The following SZT2 variants were observed in gnomAD, a reference collection of about 807,000 sequenced individuals.
SZT2 encodes KICSTOR complex protein SZT2.
In SZT2, 216 loss-of-function variants were observed where a neutral mutation model predicts 404.2. The ratio of observed to expected loss-of-function variants is 0.53; its 90% confidence interval spans 0.48 to 0.60. The LOEUF (loss-of-function observed/expected upper bound fraction) is 0.60, where lower values mean the gene tolerates loss of function less well. Ranked by LOEUF, SZT2 falls within the 20% of genes least tolerant of loss-of-function variation. The probability of loss-of-function intolerance (pLI) is 0.00; values close to 1 mark genes in which losing one functional copy is unlikely to be tolerated. For synonymous variants in SZT2, 1,693 were observed against 1,749.9 expected (o/e 0.97, Z 0.81); for missense variants, 3,857 against 4,459.2 (o/e 0.86, Z 3.85).
intron 1 of SZT2, among the ~76,000 whole-genome samples, chr1:43,391,239 G>A (rs1368701726): frequency 1.3e-5 from 2 of 152,062 alleles, no homozygotes; most frequent in African/African-American, 2.4e-5. Flanking sequence ...GCTTGAACCC[G>A]GGAGGTGGAG....
chr1:43,442,680 C>G lies in SZT2; in HGVS notation c.8151+62C>G. 2 of 1,538,888 alleles carry G rather than the reference C, an allele frequency of 1.3e-6. No homozygotes were observed. Among genetic ancestry groups the G allele is most frequent in the South Asian group, 2.5e-5 (2 of 80,060 alleles). ...ACTGAGGGGTCAGTTAAAGGAAAAACCAGCTCAGAAGCCAGAAAGATGGGA... is the reference window on the plus strand; with the variant it reads ...ACTGAGGGGTCAGTTAAAGGAAAAAGCAGCTCAGAAGCCAGAAAGATGGGA... On this transcript the variant is annotated intron_variant, in intron 58 of 71. Coordinates refer to ENST00000634258, the MANE Select transcript of SZT2 (RefSeq NM_001365999.1). The surrounding 1 kb of genome is among the most constrained non-coding windows in gnomAD (Gnocchi z 4.5).
Position 43,424,505 on chromosome 1 carries a change from G to C in SZT2, c.2471+73G>C. 6.9e-7 allele frequency: 1 copy of C among 1,458,352 alleles called. No homozygotes were observed. Among genetic ancestry groups the C allele is most frequent in the Middle Eastern group, 2.4e-4 (1 of 4,200 alleles). 90.3% of individuals were successfully genotyped at this position (1,458,352 alleles called of 1,614,324 possible). On this transcript the variant is annotated intron_variant, in intron 16 of 71. Transcript: ENST00000634258. The surrounding 1 kb of genome is among the most constrained non-coding windows in gnomAD (Gnocchi z 4.1). The stretch of plus-strand genomic sequence containing the variant: ...GTGTAGACTGGGACACTAGCAAAAA[G>C]CCTATAGCACACACTTCTCCTCTCT...
Position 43,403,704 on chromosome 1 carries a change from G to T in SZT2, c.257G>T (p.Arg86Leu), listed in dbSNP as rs540224145. The change falls in exon 3 of 72, where the codon CGG (arginine) becomes CTG (leucine). Residue 86 changes from arginine to leucine, a missense_variant. Around this residue, in one of 7 missense-constraint regions of SZT2, gnomAD observed 536 missense variants for 637.4 expected, o/e 0.84. Transcript: ENST00000634258. The stretch of plus-strand genomic sequence containing the variant: ...CCATTCCTCCTGGTACCTTCCACCC[G>T]GGTCACCTTCCTGGCTTGGCAGTAT... ...PRPFLLVPST[R>L]VTFLAWQYRF... is the part of the protein sequence containing the mutation. The T allele has an allele frequency of 1.2e-6, 2 of 1,614,134 alleles. No homozygotes were observed. Among genetic ancestry groups the T allele is most frequent in the Non-Finnish European group, 1.7e-6 (2 of 1,180,026 alleles).
At chr1:43,443,541 T>A (rs758848414) in intron 61 of SZT2, 56 bp from the exon 62 acceptor site, 1 of 1,613,324 alleles carries the variant, frequency 6.2e-7, no homozygotes, top group African/African-American at 1.3e-5. Flanking sequence ...CCCTCCTCCA[T>A]CCCCAGCAGG....
chr1:43,424,920 C>G lies in SZT2; in HGVS notation c.2550+58C>G. ...AAGGTCTGTCATAATCCCAGGGACA[C>G]TCACCTCTGAGCTGGGTTGGGACTG... On this transcript the variant is annotated intron_variant, in intron 17 of 71. Coordinates refer to ENST00000634258, the MANE Select transcript of SZT2 (RefSeq NM_001365999.1). The surrounding 1 kb of genome is among the most constrained non-coding windows in gnomAD (Gnocchi z 4.1). 1 of 1,571,328 alleles carries G rather than the reference C, an allele frequency of 6.4e-7. No homozygotes were observed.
chr1:43,447,599 T>A lies in SZT2; in HGVS notation c.9341T>A (p.Val3114Glu). ...LIAAHQLYNY[V>E]ADHASSYHMK... ...GCTGCCCACCAGCTATACAACTACG[T>A]GGCTGATCACGCCAGCTCTTACCAC... is the stretch of plus-strand genomic sequence containing the variant. Residue 3114 changes from valine (V) to glutamate (E), a missense_variant, in exon 67 of 72, where the codon GTG becomes GAG. Around this residue, in one of 7 missense-constraint regions of SZT2, gnomAD observed 717 missense variants for 868.2 expected, o/e 0.83. Coordinates refer to ENST00000634258, the MANE Select transcript of SZT2 (RefSeq NM_001365999.1). 6.2e-7 allele frequency: 1 copy of A among 1,614,198 alleles called. No individual in the cohort carries two copies. Among genetic ancestry groups the A allele is most frequent in the Non-Finnish European group, 8.5e-7 (1 of 1,180,030 alleles).
chr1:43,440,290 T>C (rs1273501231), intron 51 of SZT2, among the ~76,000 whole-genome samples, 163 bp from the exon 52 acceptor site: 1 of 152,188 alleles, frequency 6.6e-6, no homozygotes, highest in Non-Finnish European at 1.5e-5. Flanking sequence ...AGAGGCTCAC[T>C]TCACACAAAC....
At chr1:43,419,112 TC>T (rs1320221139) in intron 7 of SZT2, among the ~76,000 whole-genome samples, 1 of 152,220 alleles carries the variant, frequency 6.6e-6, no homozygotes, top group African/African-American at 2.4e-5. Context: ...GGCCACTTGG[TC>T]CGTCACAGCT....
chr1:43,422,749 T>C lies in SZT2; in HGVS notation c.1923-20T>C, dbSNP rs1652555039. 6.7e-7 allele frequency: 1 copy of C among 1,492,264 alleles called. No homozygotes were observed. The highest frequency in any genetic ancestry group is 1.2e-5 in the South Asian group (1 of 84,826). 92.4% of individuals were successfully genotyped at this position (1,492,264 alleles called of 1,614,324 possible). A position where few individuals can be genotyped will look rare whatever the true frequency, so the allele number is the denominator to read the frequency against. On this transcript the variant is annotated intron_variant, in intron 13 of 71. Transcript: ENST00000634258. ...TTCCTGCCAACCTTGGGCTGCTCAC[T>C]GACTCCCATTTCTCCCCAGTGCCCC...
chr1:43,405,385 A>C (rs991333813), intron 4 of SZT2: 1 of 152,110 alleles, frequency 6.6e-6, no homozygotes, highest in African/African-American at 2.4e-5. Context: ...TACAGGGCTT[A>C]TCCAGCACTC....
chr1:43,448,051 C>T lies in SZT2; in HGVS notation c.9564-28C>T, dbSNP rs761922896. On this transcript the variant is annotated intron_variant, in intron 68 of 71. Coordinates refer to ENST00000634258, the MANE Select transcript of SZT2 (RefSeq NM_001365999.1). The surrounding 1 kb of genome is among the most constrained non-coding windows in gnomAD (Gnocchi z 4.2). ...CCTGTGTGTCTCTTGCTACAACCAC[C>T]ACTCTCCTGCCCTGCTCCCCACCCC... 2 of 1,606,380 alleles carry T rather than the reference C, an allele frequency of 1.2e-6. No homozygotes were observed. The highest frequency in any genetic ancestry group is 1.1e-5 in the South Asian group (1 of 90,370).
At chr1:43,428,968 G>C (rs1653521759) in intron 28 of SZT2, 1 of 169,080 alleles carries the variant, frequency 5.9e-6, no homozygotes, top group African/African-American at 2.4e-5. Flanking sequence ...AGCATCTGCA[G>C]TGTGTTAGCG....
chr1:43,436,297 T>A (rs1051765431), intron 42 of SZT2: 1 of 152,182 alleles, frequency 6.6e-6, no homozygotes, highest in African/African-American at 2.4e-5. Context: ...TGGGATCTCC[T>A]CCATATCGAA....
chr1:43,434,735 A>G (rs1654284437), intron 41 of SZT2, among the ~76,000 whole-genome samples: 3 of 152,122 alleles, frequency 2.0e-5, no homozygotes, highest in African/African-American at 7.2e-5. Context: ...ACTCCCTCTC[A>G]TTGCACTGTG....
At position 43,450,635 on chromosome 1, in the gene SZT2, C is replaced by T; in HGVS notation, c.*155C>T. The T allele has an allele frequency of 3.4e-6, 4 of 1,168,774 alleles. No homozygotes were observed. The East Asian group carries it at 9.8e-5, about 29-fold the overall frequency. The allele number at this position is 1,168,774 out of a possible 1,614,324, so 72.4% of individuals were successfully genotyped here. Reference sequence around the variant, plus strand: ...TTTGTAACTATGTCTTGAGGGTCTGCTGCCCCAGCCTGGCAGCAGGAACCG... The same window carrying T: ...TTTGTAACTATGTCTTGAGGGTCTGTTGCCCCAGCCTGGCAGCAGGAACCG... On this transcript the variant is annotated 3_prime_UTR_variant, in exon 72 of 72. Coordinates refer to ENST00000634258, the MANE Select transcript of SZT2 (RefSeq NM_001365999.1). The surrounding 1 kb of genome is among the most constrained non-coding windows in gnomAD (Gnocchi z 4.3).
At chr1:43,397,553 A>C (rs1396461684) in intron 1 of SZT2, among the ~76,000 whole-genome samples, 14 of 150,258 alleles carry the variant, frequency 9.3e-5, no homozygotes. Context: ...AGATGGATGG[A>C]GTCTTGCTCT....
Position 43,426,517 on chromosome 1 carries a change from C to G in SZT2, c.3193C>G (p.Arg1065Gly). 6.3e-7 allele frequency: 1 copy of G among 1,588,484 alleles called. No homozygotes were observed. Among genetic ancestry groups the G allele is most frequent in the Non-Finnish European group, 8.5e-7 (1 of 1,175,200 alleles). The change falls in exon 22 of 72, where the codon CGG becomes GGG. Residue 1065 changes from arginine to glycine, a missense_variant. Physicochemically the swap from Arg to Gly is moderately radical, Grantham distance 125 (BLOSUM62 -2). This residue lies in a region of SZT2 where 1,725 missense variants were observed against 1,881.0 expected (regional missense o/e 0.92). Transcript: ENST00000634258. The surrounding 1 kb of genome is among the most constrained non-coding windows in gnomAD (Gnocchi z 4.9). ...GGCTGCCTTCTTGAGTGAGGTGCTG[C>G]GGCGGACCTGCCACGTTCCAGGTGA... ...DQAAFLSEVL[R>G]RTCHVPGAEG...
At position 43,451,657 on chromosome 1, in the gene SZT2, G is replaced by A. The variant is rs1263647717; in HGVS notation, c.*1177G>A. 6.2e-7 allele frequency: 1 copy of A among 1,613,976 alleles called. No homozygotes were observed. The highest frequency in any genetic ancestry group is 8.5e-7 in the Non-Finnish European group (1 of 1,180,006). ...AGGAAGGTCCTCTCACCAACAATGG[G>A]CAGGAACTCCCGGATGTTTCCTGTC... On this transcript the variant is annotated 3_prime_UTR_variant, in exon 72 of 72. Coordinates refer to ENST00000634258, the MANE Select transcript of SZT2 (RefSeq NM_001365999.1).
chr1:43,443,880 T>C, intron 62 of SZT2, 84 bp downstream of exon 62: 1 of 1,545,088 alleles, frequency 6.5e-7, no homozygotes, highest in East Asian at 2.3e-5. Flanking sequence ...CTTTACAAGG[T>C]CCTATGTTGA....
Sources: gnomAD v4.1 joint callset for allele counts (sites outside exome capture counted in the v4.1 genomes callset) on GRCh38, gnomAD v4.1.1 for gene constraint, gnomAD v4.1.1 regional missense constraint, Gnocchi (gnomAD v3.1) non-coding constraint, MANE v1.5 for transcripts, NCBI Gene and HGNC (gene_info 2026-07-23, HGNC 2026-07-21) for gene names.